CADM1: variants seen among roughly 807,000 people sequenced by gnomAD.
CADM1 encodes TSLC-1.
CADM1 carries 15 observed loss-of-function variants against 53.1 expected under a neutral mutation model. The observed-to-expected ratio is 0.28, with a 90% CI of 0.19 to 0.44. The LOEUF is 0.44. Among genes scored for constraint, CADM1 ranks in the 20% least tolerant of loss-of-function variants. CADM1 has a pLI of 1.00. For missense variants in CADM1, 434 were observed against 611.3 expected (o/e 0.71, Z 3.06); for synonymous variants, 281 against 243.0 (o/e 1.16, Z -1.45).
chr11:115,482,389 G>A (rs1465983536), intron 1 of CADM1, among the ~76,000 whole-genome samples: 1 of 152,096 alleles, frequency 6.6e-6, no homozygotes, highest in Non-Finnish European at 1.5e-5. Context: ...ATTCATCTTT[G>A]TAAACCTAGT....
chr11:115,396,962 T>A (rs1297715005), intron 1 of CADM1: 1 of 152,134 alleles, frequency 6.6e-6, no homozygotes, highest in Non-Finnish European at 1.5e-5. Context: ...CAGACATTAG[T>A]CTGTTACCAT....
chr11:115,357,301 G>A (rs1042939005), intron 1 of CADM1, among the ~76,000 whole-genome samples: 10 of 152,120 alleles, frequency 6.6e-5, no homozygotes, highest in Non-Finnish European at 8.8e-5. Flanking sequence ...TATTAATACC[G>A]GGAAAGTAAA....
intron 5 of CADM1, among the ~76,000 whole-genome samples, chr11:115,219,174 C>T (rs1474461950): frequency 6.6e-6 from 1 of 152,116 alleles, no homozygotes; most frequent in Non-Finnish European, 1.5e-5. Flanking sequence ...TAAACAACAG[C>T]CCCTTGGCCT....
chr11:115,211,422 A>G (rs12099024), intron 7 of CADM1, among the ~76,000 whole-genome samples: 52,673 of 150,676 alleles, frequency 0.35, 11,204 homozygotes, highest in Non-Finnish European at 0.47. Flanking sequence ...TCTACTACTG[A>G]AAAGGAACAT....
intron 1 of CADM1, among the ~76,000 whole-genome samples, chr11:115,461,439 G>A (rs1437990667): frequency 3.9e-5 from 6 of 152,158 alleles, no homozygotes; most frequent in Non-Finnish European, 7.3e-5. Flanking sequence ...GCAGCTAACG[G>A]GGAATGGTAT....
chr11:115,458,673 G>T (rs1386674579), intron 1 of CADM1, among the ~76,000 whole-genome samples: 1 of 151,796 alleles, frequency 6.6e-6, no homozygotes, highest in Non-Finnish European at 1.5e-5. Flanking sequence ...ATTTCTAGGG[G>T]TTCAGTAACC....
At chr11:115,257,963 A>G (rs141015819) in intron 1 of CADM1, among the ~76,000 whole-genome samples, 41 of 152,322 alleles carry the variant, frequency 2.7e-4, no homozygotes, top group African/African-American at 9.6e-4. Flanking sequence ...CTGCTGATCC[A>G]GGGTCTATGC....
chr11:115,482,813 T>A (rs1424473789), intron 1 of CADM1, among the ~76,000 whole-genome samples: 4 of 152,196 alleles, frequency 2.6e-5, no homozygotes, highest in Non-Finnish European at 5.9e-5. Context: ...TTAATATTTT[T>A]AAAAATATAA....
chr11:115,443,199 G>A (rs1948364986), intron 1 of CADM1, among the ~76,000 whole-genome samples: 1 of 112,440 alleles, frequency 8.9e-6, no homozygotes, highest in South Asian at 2.9e-4. Flanking sequence ...AACACCAAGG[G>A]AGAAAAAAAA....
intron 1 of CADM1, among the ~76,000 whole-genome samples, chr11:115,453,948 G>C (rs1274313063): frequency 6.6e-6 from 1 of 151,960 alleles, no homozygotes; most frequent in African/African-American, 2.4e-5. Context: ...TATCCTTCTA[G>C]GTCTAGAAGG....
At chr11:115,409,155 GAAGA>G (rs1170495534) in intron 1 of CADM1, among the ~76,000 whole-genome samples, 4 of 152,266 alleles carry the variant, frequency 2.6e-5, no homozygotes, top group African/African-American at 9.6e-5. Context: ...AGATAAGAAA[GAAGA>G]AAGAGGCTTA....
At chr11:115,322,443 T>C (rs1944848080) in intron 1 of CADM1, among the ~76,000 whole-genome samples, 1 of 152,338 alleles carries the variant, frequency 6.6e-6, no homozygotes. Flanking sequence ...CTCACCTGTT[T>C]ATAGTGTACA....
chr11:115,368,151 G>C (rs71466762), intron 1 of CADM1, among the ~76,000 whole-genome samples: 128,987 of 128,998 alleles, frequency 1, 64,488 homozygotes, highest in Non-Finnish European at 1. Context: ...CTTTCCGGAG[G>C]AAATGGTCTT....
intron 1 of CADM1, among the ~76,000 whole-genome samples, chr11:115,491,908 C>T (rs769014084): frequency 5.9e-5 from 9 of 152,126 alleles, no homozygotes; most frequent in Non-Finnish European, 1.2e-4. Context: ...ACAATGAGAA[C>T]ACTTGGACAC....
chr11:115,309,896 C>T (rs2135158957), intron 1 of CADM1, among the ~76,000 whole-genome samples: 1 of 152,258 alleles, frequency 6.6e-6, no homozygotes, highest in East Asian at 1.9e-4. Flanking sequence ...AATCCCTAGC[C>T]TCATGCTTAG....
chr11:115,405,013 C>T (rs1947279175), intron 1 of CADM1, among the ~76,000 whole-genome samples: 3 of 152,144 alleles, frequency 2.0e-5, no homozygotes, highest in Admixed American at 6.6e-5. Flanking sequence ...GTTAAAGAGT[C>T]AGTGTCTCAC....
chr11:115,225,062 T>A (rs772442091), intron 5 of CADM1, among the ~76,000 whole-genome samples: 9 of 152,184 alleles, frequency 5.9e-5, no homozygotes, highest in Non-Finnish European at 1.2e-4. Flanking sequence ...GCATAATTAT[T>A]TTCTGTTTTA....
At chr11:115,209,495 A>G in intron 8 of CADM1, 79 bp downstream of exon 8, 1 of 1,596,636 alleles carries the variant, frequency 6.3e-7, no homozygotes, top group Non-Finnish European at 8.5e-7. Flanking sequence ...TTTAAAGGGA[A>G]CTTTTCGGCT....
chr11:115,444,882 T>A (rs1948414522), intron 1 of CADM1, among the ~76,000 whole-genome samples: 1 of 152,122 alleles, frequency 6.6e-6, no homozygotes, highest in African/African-American at 2.4e-5. Flanking sequence ...GTAAGGAAGA[T>A]GGGATGTACA....
Sources: allele counts gnomAD v4.1 joint callset (sites outside exome capture counted in the v4.1 genomes callset), GRCh38; gene constraint gnomAD v4.1.1; transcripts MANE v1.5; gene names NCBI Gene and HGNC (gene_info 2026-07-23, HGNC 2026-07-21).